The following DPH6 variants were observed in gnomAD, a reference collection of about 807,000 sequenced individuals.
The protein encoded by DPH6 is diphthamine biosynthesis 6, also known as diphthine--ammonia ligase.
DPH6 carries 33 observed loss-of-function variants against 38.2 expected under a neutral mutation model. The observed-to-expected ratio is 0.86, with a 90% CI of 0.65 to 1.15. DPH6 has a LOEUF of 1.15. Among genes scored for constraint, DPH6 ranks in the 50% most tolerant of loss-of-function variants. DPH6 has a pLI of 0.00. For synonymous variants in DPH6, 108 were observed against 103.0 expected (o/e 1.05, Z -0.30); for missense variants, 325 against 320.0 (o/e 1.02, Z -0.12).
At chr15:35,277,579 G>A (rs576586451) in intron 3 of DPH6, among the ~76,000 whole-genome samples, 1 of 152,144 alleles carries the variant, frequency 6.6e-6, no homozygotes, top group Non-Finnish European at 1.5e-5. Context: ...GAAGAGTCTG[G>A]AGGTCTGAGA....
the DPH6 span, among the ~76,000 whole-genome samples, chr15:35,199,694 T>A: frequency 4.6e-5 from 7 of 151,806 alleles, no homozygotes; most frequent in Non-Finnish European, 8.8e-5. Context: ...TATCTAGAGA[T>A]TGCTTATGTC....
intron 6 of DPH6, among the ~76,000 whole-genome samples, chr15:35,393,463 T>A (rs1043886899): frequency 1.3e-5 from 2 of 152,102 alleles, no homozygotes; most frequent in African/African-American, 4.8e-5. Flanking sequence ...AAACAGGAAA[T>A]GGTTTTTTTG....
intron 3 of DPH6, among the ~76,000 whole-genome samples, chr15:35,254,766 G>C (rs1156657505): frequency 6.6e-6 from 1 of 152,026 alleles, no homozygotes; most frequent in East Asian, 1.9e-4. Context: ...TCCGAAAAGA[G>C]AGTCAGCGAA....
chr15:35,205,586 T>C, the DPH6 span, among the ~76,000 whole-genome samples: 8 of 152,182 alleles, frequency 5.3e-5, no homozygotes, highest in Admixed American at 4.6e-4. Context: ...AGAGTTTCTA[T>C]TTGATTAGTG....
At chr15:35,520,787 T>G in intron 3 of DPH6, 1 of 984,824 alleles carries the variant, frequency 1.0e-6, no homozygotes, top group Non-Finnish European at 1.2e-6. Context: ...TTAATGTATA[T>G]CTAATCATAC....
At chr15:35,431,964 G>T (rs890569421) in intron 5 of DPH6, among the ~76,000 whole-genome samples, 2 of 152,068 alleles carry the variant, frequency 1.3e-5, no homozygotes, top group African/African-American at 4.8e-5. Context: ...ATTTCACTTG[G>T]CAAACTTTTG....
At chr15:35,291,307 C>T (rs995043816) in intron 3 of DPH6, among the ~76,000 whole-genome samples, 3 of 152,098 alleles carry the variant, frequency 2.0e-5, no homozygotes, top group South Asian at 2.1e-4. Flanking sequence ...ATTTGACTTA[C>T]GTTGGGAATC....
intron 3 of DPH6, among the ~76,000 whole-genome samples, chr15:35,333,243 A>G (rs2052341380): frequency 6.6e-6 from 1 of 152,214 alleles, no homozygotes; most frequent in Non-Finnish European, 1.5e-5. Context: ...CAATGTGGCC[A>G]ATGACCACGT....
At chr15:35,411,950 T>G (rs2053372220) in intron 5 of DPH6, among the ~76,000 whole-genome samples, 1 of 151,616 alleles carries the variant, frequency 6.6e-6, no homozygotes, top group Non-Finnish European at 1.5e-5. Context: ...GGTATGGTGA[T>G]GACTTCTAAG....
At chr15:35,482,794 C>T (rs1324137812) in intron 3 of DPH6, among the ~76,000 whole-genome samples, 3 of 152,066 alleles carry the variant, frequency 2.0e-5, no homozygotes, top group East Asian at 3.9e-4. Context: ...CTTAGAAACA[C>T]CAAAAGCACG....
chr15:35,355,033 T>G (rs1323602352), intron 3 of DPH6, among the ~76,000 whole-genome samples: 2 of 152,214 alleles, frequency 1.3e-5, no homozygotes, highest in African/African-American at 2.4e-5. Context: ...CCTTTACCAT[T>G]ACGTAATGGC....
At chr15:35,262,936 A>C (rs2051759051) in intron 3 of DPH6, among the ~76,000 whole-genome samples, 1 of 152,148 alleles carries the variant, frequency 6.6e-6, no homozygotes, top group South Asian at 2.1e-4. Flanking sequence ...TGCCCTTACA[A>C]ATAATTAGAA....
chr15:35,213,239 T>C (rs80287846), downstream of DPH6, among the ~76,000 whole-genome samples: 4,501 of 152,330 alleles, frequency 0.03, 94 homozygotes, highest in Middle Eastern at 0.048. Flanking sequence ...AATGATCTCC[T>C]ATTTGCATTT....
At chr15:35,515,975 T>C (rs1314584649) in intron 3 of DPH6, among the ~76,000 whole-genome samples, 1 of 152,154 alleles carries the variant, frequency 6.6e-6, no homozygotes, top group African/African-American at 2.4e-5. Context: ...AAGTTTTTAA[T>C]AGGTGGTCAC....
chr15:35,227,517 C>T (rs2051490689), intron 3 of DPH6, among the ~76,000 whole-genome samples: 1 of 151,756 alleles, frequency 6.6e-6, no homozygotes, highest in African/African-American at 2.4e-5. Context: ...TTTTATTTGG[C>T]TCTTCTCATT....
At chr15:35,423,035 T>A (rs61084404) in intron 5 of DPH6, among the ~76,000 whole-genome samples, 51,121 of 151,722 alleles carry the variant, frequency 0.34, 10,185 homozygotes, top group African/African-American at 0.56. Context: ...AGTGCAGATA[T>A]CTCTTGGAGA....
chr15:35,360,720 T>G (rs1405646257), intron 3 of DPH6, among the ~76,000 whole-genome samples: 1 of 152,126 alleles, frequency 6.6e-6, no homozygotes, highest in Non-Finnish European at 1.5e-5. Flanking sequence ...AGAGGGTCCC[T>G]GGGATGGCAG....
At chr15:35,221,395 C>T (rs2051441305) in intron 3 of DPH6, among the ~76,000 whole-genome samples, 1 of 152,174 alleles carries the variant, frequency 6.6e-6, no homozygotes, top group Non-Finnish European at 1.5e-5. Flanking sequence ...AAGTACTGCC[C>T]TGGTGGGAAC....
At chr15:35,517,682 A>G (rs1433044356) in intron 3 of DPH6, among the ~76,000 whole-genome samples, 2 of 152,118 alleles carry the variant, frequency 1.3e-5, no homozygotes, top group Non-Finnish European at 2.9e-5. Context: ...TTATTATAAT[A>G]TTACATTCAA....
Sources: gnomAD v4.1 joint callset for allele counts (sites outside exome capture counted in the v4.1 genomes callset) on GRCh38, gnomAD v4.1.1 for gene constraint, MANE v1.5 for transcripts, NCBI Gene and HGNC (gene_info 2026-07-23, HGNC 2026-07-21) for gene names.